ZFHX3: variants seen among roughly 807,000 people sequenced by gnomAD.
The protein encoded by ZFHX3 is zinc finger homeobox protein 3.
Under a neutral mutation model 279.1 loss-of-function variants are expected in ZFHX3, and 42 were observed. The ratio of observed to expected loss-of-function variants is 0.15; its 90% CI spans 0.12 to 0.19. ZFHX3 has a LOEUF of 0.19. Ranked by LOEUF, ZFHX3 falls within the 10% of genes least tolerant of loss-of-function variation. The pLI is 1.00. For synonymous variants in ZFHX3, 2,293 were observed against 1,957.8 expected, an observed-to-expected ratio of 1.17 and a Z score of -4.52; for missense variants, 4,981 against 4,754.0, an observed-to-expected ratio of 1.05 and a Z score of -1.40.
intron 1 of ZFHX3, among the ~76,000 whole-genome samples, chr16:73,752,861 T>A (rs374499871): frequency 5.9e-5 from 9 of 152,274 alleles, no homozygotes; most frequent in African/African-American, 1.9e-4. Flanking sequence ...TCTCCTCACA[T>A]CCTCCTGCAG....
intron 5 of ZFHX3, among the ~76,000 whole-genome samples, chr16:73,202,491 C>T (rs182369695): frequency 6.0e-4 from 92 of 152,344 alleles, no homozygotes; most frequent in African/African-American, 1.5e-3. Context: ...GAATCAAAAT[C>T]AAAGTTGTAA....
chr16:73,365,922 G>C (rs1340465880), intron 3 of ZFHX3, among the ~76,000 whole-genome samples: 1 of 152,190 alleles, frequency 6.6e-6, no homozygotes, highest in Non-Finnish European at 1.5e-5. Context: ...GAGTGGACCT[G>C]GGTCTGCTTG....
rs145226550 is a variant in ZFHX3 at position 73,113,163 on chromosome 16, G to A, written c.-897+17805C>T. ...AGAGAAAGAGAAGGTCAGAAAGAAG[G>A]AGAGCAGGAGAGGAGGGCAAGAGGC... On this transcript the variant is annotated intron_variant, in intron 7 of 17. Coordinates refer to the ZFHX3 transcript ENST00000641206. Among the ~76,000 whole-genome samples, 162 of 152,240 alleles carry A rather than the reference G, an allele frequency of 1.1e-3. 4 individuals carry two copies. The South Asian group carries it at 0.017, about 16-fold the overall frequency.
chr16:73,514,298 G>A (rs2019484209), intron 2 of ZFHX3, among the ~76,000 whole-genome samples: 1 of 152,118 alleles, frequency 6.6e-6, no homozygotes, highest in South Asian at 2.1e-4. Context: ...GAGCCACAGT[G>A]AAGGATGAGT....
intron 2 of ZFHX3, among the ~76,000 whole-genome samples, chr16:73,512,340 C>A (rs2019446452): frequency 6.8e-6 from 1 of 147,490 alleles, no homozygotes; most frequent in Non-Finnish European, 1.5e-5. Context: ...CCCAGCCACT[C>A]ATGAGGCTGA....
At chr16:73,821,172 G>C (rs1960729911) in intron 1 of ZFHX3, among the ~76,000 whole-genome samples, 1 of 152,176 alleles carries the variant, frequency 6.6e-6, no homozygotes, top group Non-Finnish European at 1.5e-5. Context: ...TGGAAGCAGA[G>C]ATAAATCTGT....
At chr16:73,577,522 G>C (rs994810531) in intron 2 of ZFHX3, among the ~76,000 whole-genome samples, 5 of 152,080 alleles carry the variant, frequency 3.3e-5, no homozygotes, top group African/African-American at 1.2e-4. Flanking sequence ...AACTGAGCAG[G>C]CTGTTTCTTA....
chr16:73,226,779 G>A (rs977242294), intron 5 of ZFHX3, among the ~76,000 whole-genome samples: 1 of 152,168 alleles, frequency 6.6e-6, no homozygotes, highest in South Asian at 2.1e-4. Context: ...TTTGGGATAA[G>A]GAAATGGCTT....
chr16:73,478,634 G>A (rs2018811494), intron 2 of ZFHX3, among the ~76,000 whole-genome samples: 1 of 152,064 alleles, frequency 6.6e-6, no homozygotes, highest in African/African-American at 2.4e-5. Flanking sequence ...TTTCCTATGT[G>A]CCCATCCCTT....
In ZFHX3 at chr16:73,167,131, T is replaced by C. The variant is rs534362616; in HGVS notation, c.-1103-23300A>G. Among the ~76,000 whole-genome samples the C allele has an allele frequency of 1.3e-4, 20 of 152,376 alleles. No homozygotes were observed. The East Asian group carries it at 2.9e-3, about 22-fold the overall frequency. On this transcript the variant is annotated intron_variant, in intron 5 of 17. Coordinates refer to the ZFHX3 transcript ENST00000641206. ...TGTTGGATGGTTAATGTTTTGTTCT[T>C]GTACTTATTGCAAAATTGGGGAAAA...
At chr16:73,347,278 G>A (rs925033263) in intron 3 of ZFHX3, among the ~76,000 whole-genome samples, 6 of 152,232 alleles carry the variant, frequency 3.9e-5, no homozygotes, top group Non-Finnish European at 7.3e-5. Flanking sequence ...TCCTCAGCCC[G>A]GAGGGAATTG....
At chr16:73,358,411 C>G (rs1256760923) in intron 3 of ZFHX3, among the ~76,000 whole-genome samples, 2 of 152,218 alleles carry the variant, frequency 1.3e-5, no homozygotes, top group African/African-American at 4.8e-5. Context: ...CCGAGCGCAG[C>G]CTCTGGCCAA....
At chr16:73,889,640 T>C (rs927894918) in intron 1 of ZFHX3, among the ~76,000 whole-genome samples, 1 of 152,230 alleles carries the variant, frequency 6.6e-6, no homozygotes, top group Admixed American at 6.5e-5. Context: ...AGTGGATTCA[T>C]GCGCTGTTGT....
At chr16:73,441,703 A>G (rs1321670982) in intron 3 of ZFHX3, among the ~76,000 whole-genome samples, 1 of 152,148 alleles carries the variant, frequency 6.6e-6, no homozygotes, top group Non-Finnish European at 1.5e-5. Flanking sequence ...GTCAGTGACA[A>G]CATGTATCTT....
chr16:73,191,344 G>A (rs1188356227), intron 5 of ZFHX3, among the ~76,000 whole-genome samples: 2 of 152,114 alleles, frequency 1.3e-5, no homozygotes, highest in Admixed American at 6.5e-5. Flanking sequence ...GCAAGGAGGC[G>A]GTGATGATAT....
intron 1 of ZFHX3, among the ~76,000 whole-genome samples, chr16:73,013,917 C>T (rs775956552): frequency 5.9e-5 from 9 of 152,228 alleles, no homozygotes; most frequent in Non-Finnish European, 1.0e-4. Context: ...TCCTAATATC[C>T]GTAACCTACA....
At chr16:73,732,068 A>G (rs999591230) in intron 1 of ZFHX3, among the ~76,000 whole-genome samples, 1 of 152,120 alleles carries the variant, frequency 6.6e-6, no homozygotes, top group African/African-American at 2.4e-5. Flanking sequence ...TCTGAATGAA[A>G]CTCATTCCAT....
chr16:73,614,654 G>T (rs952613428), intron 2 of ZFHX3, among the ~76,000 whole-genome samples: 1 of 152,098 alleles, frequency 6.6e-6, no homozygotes, highest in East Asian at 1.9e-4. Flanking sequence ...ACCTTTGACC[G>T]CTCTACAGGA....
intron 3 of ZFHX3, chr16:73,455,918 T>C (rs1015730786): frequency 6.6e-6 from 1 of 151,988 alleles, no homozygotes; most frequent in Non-Finnish European, 1.5e-5. Flanking sequence ...GTGCTGGGTG[T>C]CCCTTGACAA....
Sources: allele counts gnomAD v4.1 joint callset (sites outside exome capture counted in the v4.1 genomes callset), GRCh38; gene constraint gnomAD v4.1.1; transcripts MANE v1.5; gene names NCBI Gene and HGNC (gene_info 2026-07-23, HGNC 2026-07-21).